Variants in CTNNBL1 observed in about 807,000 individuals in gnomAD.
CTNNBL1 encodes the protein catenin beta like 1.
Under a neutral mutation model 72.7 loss-of-function variants are expected in CTNNBL1, and 31 were observed. The ratio of observed to expected loss-of-function variants is 0.43; its 90% CI spans 0.32 to 0.58. The LOEUF (loss-of-function observed/expected upper bound fraction) is 0.58, where lower values mean the gene tolerates loss of function less well. CTNNBL1 is among the 20% of genes least tolerant of loss of function. The pLI, the probability that CTNNBL1 is intolerant of heterozygous loss-of-function variation, is 0.08. For synonymous variants in CTNNBL1, 240 were observed against 267.3 expected (o/e 0.90, Z 1.00); for missense variants, 534 against 725.1 (o/e 0.74, Z 3.03).
chr20:37,863,189 G>A (rs1462403692), intron 15 of CTNNBL1, among the ~76,000 whole-genome samples: 1 of 152,196 alleles, frequency 6.6e-6, no homozygotes, highest in Non-Finnish European at 1.5e-5. Flanking sequence ...CTATGGAGGT[G>A]TCACACGGCA....
rs6020350 is a variant in CTNNBL1, at chr20:37,705,017, G to C, written c.30+10865G>C. ...GGTTTAACCAATTAGAGAAGTTTTC[G>C]TATATAAAAATGACTTCATTGGAGA... On this transcript the variant is annotated intron_variant, in intron 1 of 15. Transcript: ENST00000361383. 4.5e-3 allele frequency among the ~76,000 whole-genome samples: 693 copies of C among 152,314 alleles called. 9 individuals carry two copies. The highest frequency in any genetic ancestry group is 0.017 in the East Asian group (89 of 5,186).
At chr20:37,721,099 A>G (rs1326552369) in intron 1 of CTNNBL1, among the ~76,000 whole-genome samples, 2 of 152,172 alleles carry the variant, frequency 1.3e-5, no homozygotes, top group African/African-American at 4.8e-5. Flanking sequence ...ACTCTATTCT[A>G]AGGCATCCGT....
chr20:37,821,248 G>T (rs1393578610), intron 11 of CTNNBL1, among the ~76,000 whole-genome samples: 1 of 152,088 alleles, frequency 6.6e-6, no homozygotes, highest in Non-Finnish European at 1.5e-5. Context: ...TTATGCTCCC[G>T]ACAGCATCCG....
At chr20:37,786,110 GTCTC>G (rs138020129) in intron 10 of CTNNBL1, among the ~76,000 whole-genome samples, 2 of 151,660 alleles carry the variant, frequency 1.3e-5, no homozygotes, top group Admixed American at 6.6e-5. Context: ...AACACGTGGA[GTCTC>G]TCTCTCTCTC....
intron 13 of CTNNBL1, among the ~76,000 whole-genome samples, chr20:37,856,105 C>T (rs1172111147): frequency 2.0e-5 from 3 of 151,454 alleles, no homozygotes; most frequent in African/African-American, 7.3e-5. Flanking sequence ...GGTGTGGTGG[C>T]AGGCACCTGT....
intron 11 of CTNNBL1, among the ~76,000 whole-genome samples, chr20:37,835,495 C>G (rs2072246006): frequency 6.6e-6 from 1 of 152,168 alleles, no homozygotes; most frequent in African/African-American, 2.4e-5. Flanking sequence ...AATATGCAAT[C>G]TGAGTGAGGA....
At chr20:37,800,411 C>T (rs552003938) in intron 10 of CTNNBL1, among the ~76,000 whole-genome samples, 1 of 152,338 alleles carries the variant, frequency 6.6e-6, no homozygotes, top group African/African-American at 2.4e-5. Context: ...TTTCACTCCA[C>T]TTCTGCCCTA....
chr20:37,796,312 G>C (rs1473811056), intron 10 of CTNNBL1, among the ~76,000 whole-genome samples: 1 of 152,136 alleles, frequency 6.6e-6, no homozygotes. Flanking sequence ...AACTCTAGCT[G>C]CATTGCTCTG....
intron 7 of CTNNBL1, among the ~76,000 whole-genome samples, chr20:37,770,728 T>C (rs1032557155): frequency 1.3e-5 from 2 of 152,210 alleles, no homozygotes; most frequent in Non-Finnish European, 2.9e-5. Flanking sequence ...CAAATAGCCA[T>C]GTTGCTGTCT....
intron 3 of CTNNBL1, chr20:37,744,809 T>C (rs1460442535): frequency 2.0e-5 from 3 of 152,210 alleles, no homozygotes; most frequent in African/African-American, 7.2e-5. Context: ...CTATATACTA[T>C]ATAGGCTTAC....
At chr20:37,871,615 G>A (rs1185366756) in intron 15 of CTNNBL1, among the ~76,000 whole-genome samples, 1 of 152,182 alleles carries the variant, frequency 6.6e-6, no homozygotes, top group Non-Finnish European at 1.5e-5. Context: ...TGAGGTTTCA[G>A]CATGAGTTTT....
At chr20:37,854,494 T>C (rs1042375280) in intron 13 of CTNNBL1, among the ~76,000 whole-genome samples, 5 of 151,570 alleles carry the variant, frequency 3.3e-5, no homozygotes, top group African/African-American at 1.2e-4. Context: ...TTGAGGAGCT[T>C]GTTCTGCCTG....
chr20:37,866,232 T>A (rs2072535656), intron 15 of CTNNBL1, among the ~76,000 whole-genome samples: 1 of 152,126 alleles, frequency 6.6e-6, no homozygotes, highest in Non-Finnish European at 1.5e-5. Context: ...TGCCTTAGGA[T>A]TGCTGCCCCC....
chr20:37,847,431 G>A (rs913875830), intron 13 of CTNNBL1, among the ~76,000 whole-genome samples: 2 of 152,068 alleles, frequency 1.3e-5, no homozygotes, highest in Non-Finnish European at 2.9e-5. Flanking sequence ...CTTTTCAAGG[G>A]CATGTAATTC....
chr20:37,810,743 G>A (rs998038205), intron 11 of CTNNBL1, among the ~76,000 whole-genome samples: 1 of 152,216 alleles, frequency 6.6e-6, no homozygotes, highest in African/African-American at 2.4e-5. Flanking sequence ...GGAAATGGCA[G>A]AGGGGACAGT....
intron 8 of CTNNBL1, 118 bp from the exon 9 acceptor site, chr20:37,777,536 T>A: frequency 1.4e-6 from 2 of 1,381,512 alleles, no homozygotes; most frequent in Non-Finnish European, 2.1e-6. Flanking sequence ...CTCCCTGTGC[T>A]GCTTTTGTAC....
At chr20:37,853,000 A>C (rs901645611) in intron 13 of CTNNBL1, among the ~76,000 whole-genome samples, 1 of 152,180 alleles carries the variant, frequency 6.6e-6, no homozygotes, top group African/African-American at 2.4e-5. Flanking sequence ...TATATATCAT[A>C]GTTTAGAGGA....
intron 11 of CTNNBL1, among the ~76,000 whole-genome samples, chr20:37,824,275 C>G (rs2072138561): frequency 6.6e-6 from 1 of 152,220 alleles, no homozygotes. Context: ...CAGCAAGGTT[C>G]TTCGGAGTCC....
At chr20:37,865,954 C>T (rs190237063) in intron 15 of CTNNBL1, among the ~76,000 whole-genome samples, 8 of 152,356 alleles carry the variant, frequency 5.3e-5, no homozygotes, top group Admixed American at 2.0e-4. Flanking sequence ...AGCTCATAAA[C>T]ATGTATTTCC....
Sources: allele counts gnomAD v4.1 joint callset (sites outside exome capture counted in the v4.1 genomes callset), GRCh38; gene constraint gnomAD v4.1.1; transcripts MANE v1.5; gene names NCBI Gene and HGNC (gene_info 2026-07-23, HGNC 2026-07-21).